The following EPB41L3 variants were observed in gnomAD, a reference collection of about 807,000 sequenced individuals.
The protein encoded by EPB41L3 is band 4.1-like protein 3.
In EPB41L3, 57 loss-of-function variants were observed where a neutral mutation model predicts 127.1. The ratio of observed to expected loss-of-function variants is 0.45; its 90% CI spans 0.36 to 0.56. The LOEUF is 0.56. Ranked by LOEUF, EPB41L3 falls within the 20% of genes least tolerant of loss-of-function variation. The probability of loss-of-function intolerance (pLI) is 0.00; values close to 1 mark genes in which losing one functional copy is unlikely to be tolerated. For synonymous variants in EPB41L3, 572 were observed against 549.5 expected, an observed-to-expected ratio of 1.04 and a Z score of -0.57; for missense variants, 1,273 against 1,372.2, an observed-to-expected ratio of 0.93 and a Z score of 1.14.
At chr18:5,518,279 C>T (rs1372500254) in intron 1 of EPB41L3, among the ~76,000 whole-genome samples, 2 of 152,090 alleles carry the variant, frequency 1.3e-5, no homozygotes, top group African/African-American at 2.4e-5. Context: ...GCTTCCCTGC[C>T]ACTCCCACCC....
intron 3 of EPB41L3, among the ~76,000 whole-genome samples, chr18:5,609,391 A>T (rs952962368): frequency 6.6e-6 from 1 of 152,152 alleles, no homozygotes; most frequent in Non-Finnish European, 1.5e-5. Flanking sequence ...ATTTTTTTGT[A>T]TTCAAAATCT....
rs1275813094 is a variant in EPB41L3 at position 5,543,218 on chromosome 18, G to A, written c.-12+695C>T. Reference sequence around the variant, plus strand: ...GGACGCTCCCTCCTCCTCCCCCACCGGCCGGGGGCCGCTGCCCCAGTTTGG... The same window carrying A: ...GGACGCTCCCTCCTCCTCCCCCACCAGCCGGGGGCCGCTGCCCCAGTTTGG... On this transcript the variant is annotated intron_variant, in intron 1 of 22. Transcript: ENST00000341928. The surrounding 1 kb of genome is among the most constrained non-coding windows in gnomAD (Gnocchi z 5.2). The A allele has an allele frequency of 2.0e-5, 3 of 151,240 alleles. No individual in the cohort carries two copies. The highest frequency in any genetic ancestry group is 2.1e-4 in the South Asian group (1 of 4,840). The allele number at this position is 151,240 out of a possible 1,614,324, so 9.4% of individuals were successfully genotyped here.
At chr18:5,575,725 T>A (rs1287738265) in intron 3 of EPB41L3, among the ~76,000 whole-genome samples, 1 of 152,118 alleles carries the variant, frequency 6.6e-6, no homozygotes, top group South Asian at 2.1e-4. Context: ...TAATCCCAGC[T>A]ACTTGGGAAG....
chr18:5,556,113 G>A (rs975332878), intron 3 of EPB41L3, among the ~76,000 whole-genome samples: 2 of 152,150 alleles, frequency 1.3e-5, no homozygotes, highest in African/African-American at 4.8e-5. Flanking sequence ...TGTAAGAGAC[G>A]CTCAGTGAAT....
chr18:5,627,686 T>C (rs2094937020), intron 1 of EPB41L3, among the ~76,000 whole-genome samples: 1 of 152,234 alleles, frequency 6.6e-6, no homozygotes, highest in South Asian at 2.1e-4. Flanking sequence ...ACACAAACAT[T>C]TGTTGAACAC....
Position 5,445,692 on chromosome 18 carries a change from C to T in EPB41L3, c.382-448G>A, listed in dbSNP as rs150625651. 3.3e-5 allele frequency among the ~76,000 whole-genome samples: 5 copies of T among 152,176 alleles called. No individual in the cohort carries two copies. The South Asian group carries it at 6.2e-4, about 19-fold the overall frequency. ...GAGTCCTCAGCCCCTGGGCCATGGA[C>T]GGTTACTGGTCCATGGTCTGTTAGG... On this transcript the variant is annotated intron_variant, in intron 3 of 22. Transcript: ENST00000341928.
chr18:5,496,299 T>C (rs1323023899), intron 1 of EPB41L3, among the ~76,000 whole-genome samples: 1 of 152,196 alleles, frequency 6.6e-6, no homozygotes, highest in African/African-American at 2.4e-5. Flanking sequence ...ATCCAACAGG[T>C]ACCAAATGCC....
At chr18:5,553,955 G>A (rs1568565235) in intron 3 of EPB41L3, among the ~76,000 whole-genome samples, 1 of 152,138 alleles carries the variant, frequency 6.6e-6, no homozygotes, top group South Asian at 2.1e-4. Flanking sequence ...TCCCACTCCA[G>A]GCACTCTGTG....
At chr18:5,610,019 T>C (rs2144013102) in intron 3 of EPB41L3, 6 of 842,964 alleles carry the variant, frequency 7.1e-6, no homozygotes, top group African/African-American at 1.8e-5. Flanking sequence ...TGGAGGTGCC[T>C]GGGCAGTGTG....
chr18:5,469,533 G>A (rs1283541747), intron 3 of EPB41L3, among the ~76,000 whole-genome samples: 1 of 152,142 alleles, frequency 6.6e-6, no homozygotes, highest in Admixed American at 6.5e-5. Flanking sequence ...TCCACACCTG[G>A]CTTGCCCTTG....
At chr18:5,484,480 A>G (rs1232289835) in intron 2 of EPB41L3, among the ~76,000 whole-genome samples, 2 of 151,862 alleles carry the variant, frequency 1.3e-5, no homozygotes, top group East Asian at 3.9e-4. Context: ...GGAAAAAAAG[A>G]AATGATGATG....
Position 5,400,917 on chromosome 18 carries a change from T to C in EPB41L3, c.2350-2774A>G. Reference sequence around the variant, plus strand: ...AAAACTAAGAGCATTTTAATGACACTGAAGTCTGAAGACCAATTTCTTCTG... The same window carrying C: ...AAAACTAAGAGCATTTTAATGACACCGAAGTCTGAAGACCAATTTCTTCTG... On this transcript the variant is annotated intron_variant, in intron 16 of 22. Transcript: ENST00000341928. 4 of 1,136,472 alleles carry C rather than the reference T, an allele frequency of 3.5e-6. No individual in the cohort carries two copies. In the South Asian group the frequency reaches 4.1e-5, roughly 12 times the overall value. 70.4% of individuals were successfully genotyped at this position (1,136,472 alleles called of 1,614,324 possible). A position where few individuals can be genotyped will look rare whatever the true frequency, so the allele number is the denominator to read the frequency against.
chr18:5,564,896 C>A (rs1417376756), intron 3 of EPB41L3, among the ~76,000 whole-genome samples: 1 of 152,160 alleles, frequency 6.6e-6, no homozygotes, highest in Non-Finnish European at 1.5e-5. Context: ...GATACCAGAA[C>A]TCTACCTGAT....
chr18:5,597,680 C>T lies in EPB41L3; in HGVS notation c.-306+14660G>A, dbSNP rs1345319099. Among the ~76,000 whole-genome samples, 5 of 152,104 alleles carry T rather than the reference C, an allele frequency of 3.3e-5. No homozygotes were observed. In the East Asian group the frequency reaches 9.6e-4, roughly 29 times the overall value. ...GAATTCAGAATTTAGGAAGATTTTG[C>T]AAATCCTGCAAATCAGCCTCATTCT... On this transcript the variant is annotated intron_variant, in intron 3 of 21. Coordinates refer to the EPB41L3 transcript ENST00000545076.
At position 5,511,391 on chromosome 18, in the gene EPB41L3, GTTTTTTTTTTTTTTTTTT is replaced by G. The variant is rs1190047630; in HGVS notation, c.-11-22215_-11-22198del. Among the ~76,000 whole-genome samples, 12 of 59,800 alleles carry G rather than the reference GTTTTTTTTTTTTTTTTTT, an allele frequency of 2.0e-4. 1 individual carries two copies. In the South Asian group the frequency reaches 3.6e-3, roughly 18 times the overall value. The allele number at this position is 59,800 out of a possible 152,430, so 39.2% of individuals were successfully genotyped here. On this transcript the variant is annotated intron_variant, in intron 1 of 22. Coordinates refer to ENST00000341928, the MANE Select transcript of EPB41L3 (RefSeq NM_012307.5). ...CTTTAATAGCTGTGGAGGTATTTTG[GTTTTTTTTTTTTTTTTTT>G]TTTTTTTTTTTTTGTATGTAGACCC...
intron 4 of EPB41L3, 56 bp from the exon 5 acceptor site, chr18:5,443,936 T>C (rs2081132563): frequency 2.7e-6 from 4 of 1,471,458 alleles, no homozygotes; most frequent in Non-Finnish European, 3.8e-6. Context: ...AATGACTTAA[T>C]GTTGATTAGG....
chr18:5,615,175 T>C (rs2094778614), intron 1 of EPB41L3, among the ~76,000 whole-genome samples: 1 of 152,002 alleles, frequency 6.6e-6, no homozygotes. Context: ...AGCACAAAAT[T>C]GAAATTCTCA....
intron 3 of EPB41L3, among the ~76,000 whole-genome samples, chr18:5,464,244 T>C (rs2084556053): frequency 1.3e-5 from 2 of 152,316 alleles, no homozygotes; most frequent in Admixed American, 1.3e-4. Context: ...TAAATACCTC[T>C]ACAGGGATAG....
At chr18:5,558,631 C>T (rs2094075763) in intron 3 of EPB41L3, among the ~76,000 whole-genome samples, 1 of 152,174 alleles carries the variant, frequency 6.6e-6, no homozygotes, top group Non-Finnish European at 1.5e-5. Context: ...CTGGAGGTTG[C>T]TGGCTGTGAA....
Sources: allele counts gnomAD v4.1 joint callset (sites outside exome capture counted in the v4.1 genomes callset), GRCh38; gene constraint gnomAD v4.1.1; non-coding constraint Gnocchi (gnomAD v3.1); transcripts MANE v1.5; gene names NCBI Gene and HGNC (gene_info 2026-07-23, HGNC 2026-07-21).